The following LRP1B variants were observed in gnomAD, a reference collection of about 807,000 sequenced individuals.
LRP1B encodes low-density lipoprotein receptor-related protein 1B.
Under a neutral mutation model 556.6 loss-of-function variants are expected in LRP1B, and 217 were observed. That is an observed-to-expected ratio of 0.39 (90% confidence interval 0.35 to 0.44). The LOEUF is 0.44. Among genes scored for constraint, LRP1B ranks in the 20% least tolerant of loss-of-function variants. LRP1B has a pLI of 1.00. For missense variants in LRP1B, 5,053 were observed against 5,620.8 expected (o/e 0.90, Z 3.23); for synonymous variants, 2,047 against 1,865.8 (o/e 1.10, Z -2.50).
chr2:140,628,167 T>G (rs1046947538), intron 41 of LRP1B, among the ~76,000 whole-genome samples: 3 of 152,128 alleles, frequency 2.0e-5, no homozygotes, highest in Non-Finnish European at 2.9e-5. Flanking sequence ...TCAAGATGTG[T>G]GTGTGTGACA....
intron 3 of LRP1B, among the ~76,000 whole-genome samples, chr2:141,367,864 G>T (rs1689100607): frequency 6.6e-6 from 1 of 151,940 alleles, no homozygotes; most frequent in Non-Finnish European, 1.5e-5. Flanking sequence ...GAAAATGCAA[G>T]ACCATATTTA....
At chr2:141,182,599 T>G (rs1681054900) in intron 7 of LRP1B, among the ~76,000 whole-genome samples, 1 of 152,038 alleles carries the variant, frequency 6.6e-6, no homozygotes, top group South Asian at 2.1e-4. Context: ...AACATTTCAA[T>G]ACATAAACTC....
At chr2:141,599,923 C>G (rs10188053) in intron 2 of LRP1B, among the ~76,000 whole-genome samples, 43,601 of 151,838 alleles carry the variant, frequency 0.29, 7,029 homozygotes, top group South Asian at 0.44. Flanking sequence ...TTGGGTGATG[C>G]TATTTTCTGC....
chr2:141,838,736 T>G (rs1185204311), intron 1 of LRP1B, among the ~76,000 whole-genome samples: 1 of 152,174 alleles, frequency 6.6e-6, no homozygotes, highest in Non-Finnish European at 1.5e-5. Context: ...TTCTAGGACG[T>G]AAAATAATTT....
chr2:140,985,019 A>T (rs1409641178), intron 17 of LRP1B, among the ~76,000 whole-genome samples: 1 of 152,122 alleles, frequency 6.6e-6, no homozygotes, highest in Non-Finnish European at 1.5e-5. Flanking sequence ...TGGAGGCAAG[A>T]TTAGCAGAGC....
At chr2:141,576,411 GAC>G (rs1294916643) in intron 2 of LRP1B, among the ~76,000 whole-genome samples, 2 of 152,112 alleles carry the variant, frequency 1.3e-5, no homozygotes, top group East Asian at 3.9e-4. Flanking sequence ...AGAACACATG[GAC>G]ACAGAGAGGG....
chr2:140,375,173 ATGTGTGTGTGTGTG>A (rs34597866), intron 68 of LRP1B, among the ~76,000 whole-genome samples: 1 of 144,108 alleles, frequency 6.9e-6, no homozygotes, highest in Non-Finnish European at 1.5e-5. Context: ...TACTGTGTGT[ATGTGTGTGTGTGTG>A]TGTGTGTGTG....
At chr2:141,474,852 T>C (rs1456660017) in intron 3 of LRP1B, among the ~76,000 whole-genome samples, 5 of 152,214 alleles carry the variant, frequency 3.3e-5, no homozygotes, top group African/African-American at 9.6e-5. Context: ...GAGTTTTTTT[T>C]CTCCAATCAG....
chr2:141,515,660 C>A (rs1684287611), intron 2 of LRP1B, among the ~76,000 whole-genome samples: 1 of 152,102 alleles, frequency 6.6e-6, no homozygotes, highest in Non-Finnish European at 1.5e-5. Context: ...GCTTTACATT[C>A]TGAATAGTAA....
At chr2:141,472,376 C>G (rs72849053) in intron 3 of LRP1B, among the ~76,000 whole-genome samples, 2 of 151,732 alleles carry the variant, frequency 1.3e-5, no homozygotes, top group African/African-American at 4.8e-5. Context: ...CCCGTCTGTA[C>G]TAAAAATACA....
intron 37 of LRP1B, among the ~76,000 whole-genome samples, chr2:140,709,213 C>T (rs1186267927): frequency 1.3e-5 from 2 of 151,920 alleles, no homozygotes; most frequent in Non-Finnish European, 2.9e-5. Flanking sequence ...TATCCTGGTG[C>T]TTAAAAGGAA....
chr2:140,908,574 T>C (rs1035653737), intron 21 of LRP1B, among the ~76,000 whole-genome samples: 3 of 151,814 alleles, frequency 2.0e-5, no homozygotes, highest in African/African-American at 7.3e-5. Flanking sequence ...TGTCCTTCTA[T>C]TTACATTTAT....
chr2:141,393,721 C>G (rs1041386581), intron 3 of LRP1B, among the ~76,000 whole-genome samples: 3 of 151,824 alleles, frequency 2.0e-5, no homozygotes, highest in Non-Finnish European at 4.4e-5. Flanking sequence ...ACAAGTTGTA[C>G]AGAAAAGCAA....
chr2:140,557,419 T>C (rs942197678), intron 43 of LRP1B, among the ~76,000 whole-genome samples: 3 of 152,162 alleles, frequency 2.0e-5, no homozygotes, highest in Admixed American at 1.3e-4. Flanking sequence ...TACAAAAATT[T>C]AACAGTAATA....
At position 140,364,726 on chromosome 2, in the gene LRP1B, T is replaced by G. The variant is rs1682673778; in HGVS notation, c.11066A>C (p.His3689Pro). Residue 3689 changes from histidine (H) to proline (P), a missense_variant, in exon 72 of 91, where the codon CAT (histidine) becomes CCT (proline). By Grantham distance (77) the His-to-Pro change is moderately conservative. Transcript: ENST00000389484. ...GTCCTCTCCATCACACACCCAGAAA[T>G]GTAGTTTGCAGAGAGAATTATTGCA... is the stretch of plus-strand genomic sequence containing the variant. Reference protein sequence around the residue: ...FLCNNSLCKLHFWVCDGEDDC... With the variant: ...FLCNNSLCKLPFWVCDGEDDC... 1 of 1,610,300 alleles carries G rather than the reference T, an allele frequency of 6.2e-7. No individual in the cohort carries two copies. The highest frequency in any genetic ancestry group is 8.5e-7 in the Non-Finnish European group (1 of 1,177,466).
intron 41 of LRP1B, among the ~76,000 whole-genome samples, chr2:140,604,252 T>G (rs1026933660): frequency 4.6e-5 from 7 of 151,928 alleles, no homozygotes; most frequent in Admixed American, 2.6e-4. Flanking sequence ...AAGAGTTTTC[T>G]TCCCTCTTAC....
chr2:141,498,326 G>T (rs776461466), intron 2 of LRP1B, among the ~76,000 whole-genome samples: 11 of 149,476 alleles, frequency 7.4e-5, no homozygotes, highest in Non-Finnish European at 1.3e-4. Context: ...CTACTGAGGA[G>T]TAAAAGTCCC....
chr2:141,259,851 T>C (rs1207774984), intron 3 of LRP1B, among the ~76,000 whole-genome samples: 1 of 152,162 alleles, frequency 6.6e-6, no homozygotes, highest in African/African-American at 2.4e-5. Flanking sequence ...TGATACAAAG[T>C]TCTTAAAATA....
chr2:141,111,083 A>G (rs989181754), intron 7 of LRP1B, among the ~76,000 whole-genome samples: 3 of 152,210 alleles, frequency 2.0e-5, no homozygotes, highest in African/African-American at 7.2e-5. Flanking sequence ...AGTCCTTGTG[A>G]TCGTGGGATA....
Sources: allele counts gnomAD v4.1 joint callset (sites outside exome capture counted in the v4.1 genomes callset), GRCh38; gene constraint gnomAD v4.1.1; transcripts MANE v1.5; gene names NCBI Gene and HGNC (gene_info 2026-07-23, HGNC 2026-07-21).